The following EPB41L2 variants were observed in gnomAD, a reference collection of about 807,000 sequenced individuals.
EPB41L2 encodes erythrocyte membrane protein band 4.1 like 2.
In EPB41L2, 43 loss-of-function variants were observed where a neutral mutation model predicts 113.0. The ratio of observed to expected loss-of-function variants is 0.38; its 90% CI spans 0.30 to 0.49. EPB41L2 has a LOEUF of 0.49. EPB41L2 is among the 20% of genes least tolerant of loss of function. EPB41L2 has a pLI of 0.95. For missense variants in EPB41L2, 1,147 were observed against 1,223.4 expected (o/e 0.94, Z 0.93); for synonymous variants, 442 against 436.7 (o/e 1.01, Z -0.15).
At chr6:130,988,080 C>T (rs1780992521) in intron 1 of EPB41L2, among the ~76,000 whole-genome samples, 1 of 151,548 alleles carries the variant, frequency 6.6e-6, no homozygotes, top group Non-Finnish European at 1.5e-5. Context: ...TGGGCTACTG[C>T]ACTCCAGCTG....
At chr6:131,010,161 G>C (rs1786575301) in intron 1 of EPB41L2, among the ~76,000 whole-genome samples, 1 of 152,146 alleles carries the variant, frequency 6.6e-6, no homozygotes, top group African/African-American at 2.4e-5. Flanking sequence ...TCTAACCCAA[G>C]TCACTAATGG....
chr6:130,979,720 A>G (rs1054375688), intron 1 of EPB41L2, among the ~76,000 whole-genome samples: 5 of 152,210 alleles, frequency 3.3e-5, no homozygotes, highest in Non-Finnish European at 7.3e-5. Context: ...AGTTAGAAAG[A>G]GACTTCCAAA....
At chr6:130,960,493 T>C (rs1456870754) in intron 1 of EPB41L2, among the ~76,000 whole-genome samples, 1 of 152,086 alleles carries the variant, frequency 6.6e-6, no homozygotes, top group African/African-American at 2.4e-5. Context: ...TGGTTAAGCC[T>C]CACGAAGTCA....
chr6:130,994,186 T>C (rs565968827), intron 1 of EPB41L2, among the ~76,000 whole-genome samples: 19 of 152,238 alleles, frequency 1.2e-4, no homozygotes, highest in African/African-American at 3.9e-4. Context: ...AAGACTAAAA[T>C]GGGCTAAGAG....
chr6:130,880,228 AG>A (rs748588701), intron 12 of EPB41L2, 22 bp from the exon 13 acceptor site: 62 of 1,545,880 alleles, frequency 4.0e-5, no homozygotes, highest in Middle Eastern at 3.4e-4. Context: ...AATCACACAC[AG>A]GGGGGAAAAG....
chr6:130,865,778 G>T, intron 16 of EPB41L2, 144 bp from the exon 17 acceptor site: 1 of 785,496 alleles, frequency 1.3e-6, no homozygotes, highest in Non-Finnish European at 2.0e-6. Context: ...CAGGAGAGCG[G>T]CTGGTATTTG....
intron 3 of EPB41L2, among the ~76,000 whole-genome samples, chr6:130,937,226 T>C (rs1264712507): frequency 6.6e-6 from 1 of 152,202 alleles, no homozygotes; most frequent in Non-Finnish European, 1.5e-5. Context: ...ATGACACGTA[T>C]CCACGATGTA....
chr6:130,857,972 T>C (rs1365488253), intron 19 of EPB41L2, among the ~76,000 whole-genome samples, 159 bp downstream of exon 19: 2 of 152,174 alleles, frequency 1.3e-5, no homozygotes, highest in African/African-American at 2.4e-5. Flanking sequence ...AGAGATTATA[T>C]ACACCCGAGC....
At chr6:131,019,350 A>G (rs2128736340) in intron 1 of EPB41L2, among the ~76,000 whole-genome samples, 1 of 152,338 alleles carries the variant, frequency 6.6e-6, no homozygotes, top group African/African-American at 2.4e-5. Context: ...TGCACACAGT[A>G]TATTATATAA....
intron 1 of EPB41L2, among the ~76,000 whole-genome samples, chr6:131,035,733 T>G (rs1332490): frequency 0.76 from 115,852 of 152,092 alleles, 44,428 homozygotes; most frequent in African/African-American, 0.82. Context: ...AAATTTCAGC[T>G]TCCTTACTTC....
At chr6:130,923,646 T>C (rs1209298681) in intron 4 of EPB41L2, among the ~76,000 whole-genome samples, 1 of 152,188 alleles carries the variant, frequency 6.6e-6, no homozygotes, top group Non-Finnish European at 1.5e-5. Flanking sequence ...GCATCCTGAC[T>C]TTTTCCTGCA....
chr6:130,923,619 G>C (rs567958681), intron 4 of EPB41L2, among the ~76,000 whole-genome samples: 13 of 152,274 alleles, frequency 8.5e-5, no homozygotes, highest in African/African-American at 3.1e-4. Context: ...TTCCTCCTAA[G>C]CAGAGTCCTC....
At chr6:130,857,647 C>T (rs1437149009) in intron 19 of EPB41L2, among the ~76,000 whole-genome samples, 1 of 149,614 alleles carries the variant, frequency 6.7e-6, no homozygotes, top group East Asian at 2.0e-4. Flanking sequence ...CAACCTCCGC[C>T]TCCCAGGTTG....
intron 19 of EPB41L2, among the ~76,000 whole-genome samples, chr6:130,851,027 AATCT>A (rs1438200913): frequency 1.3e-5 from 2 of 152,232 alleles, no homozygotes; most frequent in African/African-American, 2.4e-5. Flanking sequence ...AGGTGTGATT[AATCT>A]ATATTGAAAA....
At position 130,956,460 on chromosome 6, in the gene EPB41L2, G is replaced by C. The variant is rs777143184; in HGVS notation, c.26C>G (p.Ser9Cys). MTTEVGSV[S>C]EVKKDSSQLG... ...CTGGCTAGAGTCCTTCTTCACTTCA[G>C]ACACAGAGCCTACTTCAGTAGTCAT... Residue 9 changes from serine (S) to cysteine (C), a missense_variant, in exon 2 of 20, where the codon TCT becomes TGT. Transcript: ENST00000337057. The C allele has an allele frequency of 6.2e-7, 1 of 1,613,648 alleles. No homozygotes were observed. Among genetic ancestry groups the C allele is most frequent in the Admixed American group, 1.7e-5 (1 of 60,020 alleles).
intron 1 of EPB41L2, among the ~76,000 whole-genome samples, chr6:131,039,153 A>G (rs952724026): frequency 6.6e-6 from 1 of 152,232 alleles, no homozygotes; most frequent in African/African-American, 2.4e-5. Flanking sequence ...AGGAAACAAG[A>G]CAGCAGCTTA....
At chr6:130,974,117 G>A (rs1196527345) in intron 1 of EPB41L2, among the ~76,000 whole-genome samples, 2 of 152,114 alleles carry the variant, frequency 1.3e-5, no homozygotes, top group African/African-American at 4.8e-5. Context: ...AACCCACAAT[G>A]TGATGGAGGT....
chr6:130,936,469 C>T (rs1808822907), intron 3 of EPB41L2, among the ~76,000 whole-genome samples: 1 of 152,106 alleles, frequency 6.6e-6, no homozygotes, highest in African/African-American at 2.4e-5. Context: ...GTTTTTCTTA[C>T]TTGTAAAAGT....
intron 1 of EPB41L2, among the ~76,000 whole-genome samples, chr6:131,043,715 A>G (rs1435921845): frequency 6.6e-6 from 1 of 152,228 alleles, no homozygotes; most frequent in Non-Finnish European, 1.5e-5. Context: ...GACAAATGGA[A>G]ATCTGAACAC....
Sources: gnomAD v4.1 joint callset for allele counts (sites outside exome capture counted in the v4.1 genomes callset) on GRCh38, gnomAD v4.1.1 for gene constraint, MANE v1.5 for transcripts, NCBI Gene and HGNC (gene_info 2026-07-23, HGNC 2026-07-21) for gene names.